Variants in FBN2 observed in about 807,000 individuals in gnomAD.
FBN2 encodes fibrillin 2.
A neutral mutation model predicts 355.6 loss-of-function variants in FBN2; 105 were observed. The ratio of observed to expected loss-of-function variants is 0.30; its 90% CI spans 0.25 to 0.35. The LOEUF (loss-of-function observed/expected upper bound fraction) is 0.35, where lower values mean the gene tolerates loss of function less well. Ranked by LOEUF, FBN2 falls within the 10% of genes least tolerant of loss-of-function variation. The pLI is 1.00. For missense variants in FBN2, 3,280 were observed against 3,758.7 expected, an observed-to-expected ratio of 0.87 and a Z score of 3.33; for synonymous variants, 1,350 against 1,301.2, an observed-to-expected ratio of 1.04 and a Z score of -0.81.
intron 6 of FBN2, among the ~76,000 whole-genome samples, chr5:128,456,120 G>C (rs1377753770): frequency 6.6e-6 from 1 of 151,516 alleles, no homozygotes; most frequent in Non-Finnish European, 1.5e-5. Flanking sequence ...GAGCCAGGGA[G>C]GTTGGATGGC....
At chr5:128,513,065 G>A (rs969369782) in intron 5 of FBN2, among the ~76,000 whole-genome samples, 1 of 152,152 alleles carries the variant, frequency 6.6e-6, no homozygotes, top group African/African-American at 2.4e-5. Flanking sequence ...AATACAACAA[G>A]TAACACTTAG....
rs377766094 is a variant in FBN2 at position 128,486,239 on chromosome 5, C to T, written c.629-21318G>A. 5.1e-4 allele frequency among the ~76,000 whole-genome samples: 78 copies of T among 152,206 alleles called. 1 individual carries two copies. The highest frequency in any genetic ancestry group is 1.7e-3 in the African/African-American group (72 of 41,538). On this transcript the variant is annotated intron_variant, in intron 5 of 64. Transcript: ENST00000262464. ...ACAGTTCTTCTTATAAATGCAGACG[C>T]CTTAACATTAAATGAGAGCCCTTTA... is the stretch of plus-strand genomic sequence containing the variant.
intron 5 of FBN2, among the ~76,000 whole-genome samples, chr5:128,472,974 A>G (rs574642183): frequency 1.3e-5 from 2 of 152,310 alleles, no homozygotes; most frequent in South Asian, 4.1e-4. Context: ...CAGAGTCACC[A>G]TGGAGGGCAT....
chr5:128,295,075 C>A (rs1354212947), intron 48 of FBN2, among the ~76,000 whole-genome samples: 1 of 150,688 alleles, frequency 6.6e-6, no homozygotes, highest in Non-Finnish European at 1.5e-5. Context: ...TTTCCCAGCA[C>A]CATTTATTAA....
At chr5:128,425,141 A>G (rs1753453574) in intron 7 of FBN2, among the ~76,000 whole-genome samples, 1 of 152,110 alleles carries the variant, frequency 6.6e-6, no homozygotes, top group African/African-American at 2.4e-5. Flanking sequence ...CTTAAAACTT[A>G]AAACATAGAC....
intron 52 of FBN2, 32 bp downstream of exon 52, chr5:128,289,082 GTAAAATAGAACTT>G: frequency 6.2e-7 from 1 of 1,606,506 alleles, no homozygotes; most frequent in East Asian, 2.2e-5. Context: ...AATATGAGAA[GTAAAATAGAACTT>G]TAAAATTCTG....
intron 8 of FBN2, among the ~76,000 whole-genome samples, chr5:128,400,953 G>A (rs1333838245): frequency 6.6e-6 from 1 of 152,102 alleles, no homozygotes; most frequent in Non-Finnish European, 1.5e-5. Context: ...TAGTGACTAA[G>A]TCTCACAAGA....
intron 8 of FBN2, among the ~76,000 whole-genome samples, chr5:128,405,511 C>A (rs535333049): frequency 6.6e-5 from 10 of 152,230 alleles, no homozygotes; most frequent in Admixed American, 5.9e-4. Context: ...TCTAAGAAAA[C>A]CCACCTTAGT....
At chr5:128,301,834 C>T (rs558021813) in intron 46 of FBN2, among the ~76,000 whole-genome samples, 1 of 152,236 alleles carries the variant, frequency 6.6e-6, no homozygotes, top group South Asian at 2.1e-4. Context: ...TATTTTCCCA[C>T]AGGCAGGAGG....
chr5:128,273,728 T>G lies in FBN2; in HGVS notation c.7840+112A>C. The G allele has an allele frequency of 2.7e-6, 3 of 1,108,260 alleles. No homozygotes were observed. The South Asian group carries it at 4.0e-5, about 15-fold the overall frequency. 68.7% of individuals were successfully genotyped at this position (1,108,260 alleles called of 1,614,324 possible). A position where few individuals can be genotyped will look rare whatever the true frequency, so the allele number is the denominator to read the frequency against. ...CAGGAATAAGTTGCTGGGTCCTATT[T>G]TGTTCAATACTTTTTTTTCTTTTTT... On this transcript the variant is annotated intron_variant, in intron 61 of 64. Coordinates refer to ENST00000262464, the MANE Select transcript of FBN2 (RefSeq NM_001999.4).
At chr5:128,290,675 G>A in intron 50 of FBN2, 57 bp downstream of exon 50, 1 of 1,545,772 alleles carries the variant, frequency 6.5e-7, no homozygotes, top group Non-Finnish European at 8.9e-7. Flanking sequence ...AACCCACTCT[G>A]GCAAACATTC....
intron 5 of FBN2, among the ~76,000 whole-genome samples, chr5:128,479,353 G>C (rs1225839286): frequency 6.6e-6 from 1 of 151,988 alleles, no homozygotes; most frequent in Non-Finnish European, 1.5e-5. Context: ...AGCAATGCAG[G>C]GTAGAGGAAA....
chr5:128,411,718 T>G (rs927271143), intron 7 of FBN2, among the ~76,000 whole-genome samples: 2 of 152,174 alleles, frequency 1.3e-5, no homozygotes, highest in Non-Finnish European at 2.9e-5. Flanking sequence ...AAGCAGGAAT[T>G]CATGATCTCA....
rs1750621857 is a variant in FBN2 at position 128,328,832 on chromosome 5, A to T, written c.4346-11T>A. 3 of 1,614,104 alleles carry T rather than the reference A, an allele frequency of 1.9e-6. No homozygotes were observed. Among genetic ancestry groups the T allele is most frequent in the Non-Finnish European group, 8.5e-7 (1 of 1,179,998 alleles). On this transcript the variant is annotated splice_polypyrimidine_tract_variant and intron_variant, in intron 33 of 64. Transcript: ENST00000262464. ...CACACTCATCAACATCTGTGCAAAA[A>T]AGCAAATTACATCTCTGTTAAGTTC...
intron 33 of FBN2, 128 bp downstream of exon 33, chr5:128,330,445 T>A (rs1750663443): frequency 2.2e-6 from 2 of 912,356 alleles, no homozygotes; most frequent in East Asian, 2.6e-5. Context: ...CATAGTCACC[T>A]GCAAGTCAAG....
At chr5:128,470,193 A>G (rs985523264) in intron 5 of FBN2, among the ~76,000 whole-genome samples, 7 of 152,316 alleles carry the variant, frequency 4.6e-5, no homozygotes, top group African/African-American at 1.7e-4. Flanking sequence ...CATAGGAAGC[A>G]CATGCTGTAG....
chr5:128,347,827 A>G (rs1279579071), intron 23 of FBN2, among the ~76,000 whole-genome samples: 3 of 151,952 alleles, frequency 2.0e-5, no homozygotes, highest in Admixed American at 2.0e-4. Context: ...TGCCAAGGCT[A>G]GGGTATAGTG....
At position 128,430,190 on chromosome 5, in the gene FBN2, T is replaced by C. The variant is rs1427320187; in HGVS notation, c.952+16291A>G. 1.1e-4 allele frequency among the ~76,000 whole-genome samples: 16 copies of C among 152,236 alleles called. No individual in the cohort carries two copies. The South Asian group carries it at 2.3e-3, about 22-fold the overall frequency. On this transcript the variant is annotated intron_variant, in intron 7 of 64. Coordinates refer to ENST00000262464, the MANE Select transcript of FBN2 (RefSeq NM_001999.4). ...ACTTGCAAATATTTTTTCTTTGGCATTTTTCTTTTGACATTCTTTTTGATG... is the reference window on the plus strand; with the variant it reads ...ACTTGCAAATATTTTTTCTTTGGCACTTTTCTTTTGACATTCTTTTTGATG...
intron 34 of FBN2, among the ~76,000 whole-genome samples, chr5:128,326,039 A>G (rs958117600): frequency 5.3e-5 from 8 of 152,100 alleles, no homozygotes; most frequent in African/African-American, 1.9e-4. Context: ...GTTTTCTTCC[A>G]TCGTGGGTTG....
Sources: gnomAD v4.1 joint callset for allele counts (sites outside exome capture counted in the v4.1 genomes callset) on GRCh38, gnomAD v4.1.1 for gene constraint, MANE v1.5 for transcripts, NCBI Gene and HGNC (gene_info 2026-07-23, HGNC 2026-07-21) for gene names.